TRAP1: variants seen among roughly 807,000 people sequenced by gnomAD.
The protein encoded by TRAP1 is heat shock protein 75 kDa, mitochondrial.
Under a neutral mutation model 89.1 loss-of-function variants are expected in TRAP1, and 102 were observed. The observed-to-expected ratio is 1.15, with a 90% CI of 0.98 to 1.35. TRAP1 has a LOEUF of 1.35. Among genes scored for constraint, TRAP1 ranks in the 40% most tolerant of loss-of-function variants. TRAP1 has a pLI of 0.00. For synonymous variants in TRAP1, 508 were observed against 388.0 expected (o/e 1.31, Z -3.64); for missense variants, 1,256 against 945.3 (o/e 1.33, Z -4.31).
Position 3,666,134 on chromosome 16 carries a change from G to C in TRAP1, c.1236-16C>G, listed in dbSNP as rs184574555. ...CCGGAGTTTCCTACAGAAAAGAAAT[G>C]CATTTAATACATACAAGCAGCCTCT... On this transcript the variant is annotated splice_polypyrimidine_tract_variant and intron_variant, in intron 11 of 17. Transcript: ENST00000246957. The C allele has an allele frequency of 6.2e-7, 1 of 1,607,950 alleles. No homozygotes were observed. Among genetic ancestry groups the C allele is most frequent in the Non-Finnish European group, 8.5e-7 (1 of 1,177,814 alleles).
intron 3 of TRAP1, among the ~76,000 whole-genome samples, chr16:3,688,414 G>A (rs1262722563): frequency 6.6e-6 from 1 of 152,150 alleles, no homozygotes; most frequent in African/African-American, 2.4e-5. Context: ...GTCCCACCAG[G>A]CAAAGGGGCC....
chr16:3,690,503 G>A (rs999755239), intron 2 of TRAP1, among the ~76,000 whole-genome samples: 8 of 152,114 alleles, frequency 5.3e-5, no homozygotes, highest in East Asian at 1.9e-4. Context: ...TCCAGAATTC[G>A]GTCCTGCGCA....
Position 3,677,622 on chromosome 16 carries a change from T to G in TRAP1, c.580A>C (p.Ser194Arg). ...LDALQNQAEA[S>R]SKIIGQFGVG... ...CCAAACTGGCCGATGATCTTGCTGC[T>G]GGCCTCAGCCTGGTTCTGCAGAGCA... The change falls in exon 6 of 18, where the codon AGC becomes CGC. Residue 194 changes from serine (S) to arginine (R), a missense_variant. Physicochemically the swap from Ser to Arg is moderately radical, Grantham distance 110 (BLOSUM62 -1). Coordinates refer to ENST00000246957, the MANE Select transcript of TRAP1 (RefSeq NM_016292.3). 1 of 1,614,152 alleles carries G rather than the reference T, an allele frequency of 6.2e-7. No homozygotes were observed. The highest frequency in any genetic ancestry group is 8.5e-7 in the Non-Finnish European group (1 of 1,180,028).
Position 3,717,422 on chromosome 16 carries a change from T to A in TRAP1, c.87A>T (p.Gly29=). 1 of 1,217,488 alleles carries A rather than the reference T, an allele frequency of 8.2e-7. No individual in the cohort carries two copies. Among genetic ancestry groups the A allele is most frequent in the Non-Finnish European group, 1.0e-6 (1 of 970,098 alleles). 75.4% of individuals were successfully genotyped at this position (1,217,488 alleles called of 1,614,324 possible). ...CCCGTCCAGCCAGGACGCCCTCACC[T>A]CCCGGCACGGCCGCCAGCGCCGGCG... ...LRAPALAAVP[G]GKPILCPRRT... Residue 29 remains glycine, a splice_region_variant and synonymous_variant, in exon 1 of 18, where the codon GGA becomes GGT. Coordinates refer to ENST00000246957, the MANE Select transcript of TRAP1 (RefSeq NM_016292.3).
chr16:3,711,114 G>T (rs554079518), intron 1 of TRAP1, among the ~76,000 whole-genome samples: 95 of 151,562 alleles, frequency 6.3e-4, no homozygotes, highest in African/African-American at 2.3e-3. Context: ...TAAACTCACA[G>T]GATCCTCCCG....
chr16:3,677,437 C>T, intron 6 of TRAP1, 61 bp downstream of exon 6: 1 of 1,606,484 alleles, frequency 6.2e-7, no homozygotes, highest in Non-Finnish European at 8.5e-7. Context: ...CCTTTCCAAA[C>T]TCCATGCTAA....
intron 1 of TRAP1, among the ~76,000 whole-genome samples, chr16:3,716,104 C>T (rs2051595078): frequency 6.6e-6 from 1 of 152,186 alleles, no homozygotes; most frequent in Admixed American, 6.5e-5. Flanking sequence ...CTGCCCACCT[C>T]AGGCTCCCAA....
intron 4 of TRAP1, among the ~76,000 whole-genome samples, chr16:3,683,011 A>G (rs1365562666): frequency 2.7e-5 from 4 of 149,526 alleles, no homozygotes; most frequent in South Asian, 4.3e-4. Context: ...TCTATTAAAA[A>G]TACAAAATTA....
intron 13 of TRAP1, 35 bp downstream of exon 13, chr16:3,664,239 G>A: frequency 6.6e-7 from 1 of 1,508,426 alleles, no homozygotes; most frequent in Non-Finnish European, 8.9e-7. Context: ...CCAGGTTGCA[G>A]CCCCCGGAGC....
In TRAP1 at chr16:3,674,390, A is replaced by G. The variant is rs1300120625; in HGVS notation, c.993T>C (p.Tyr331=). 19 of 1,614,082 alleles carry G rather than the reference A, an allele frequency of 1.2e-5. No homozygotes were observed. Among genetic ancestry groups the G allele is most frequent in the Non-Finnish European group, 1.6e-5 (19 of 1,180,018 alleles). Residue 331 remains tyrosine, a synonymous_variant, in exon 9 of 18, where the codon TAT becomes TAC. Coordinates refer to ENST00000246957, the MANE Select transcript of TRAP1 (RefSeq NM_016292.3). ...GGATGTTGAGCGGTGCGTCCGTCTT[A>G]TAGTGCAGGGTGTAGCGGGGCTTGT... The part of the protein sequence containing the change: ...AHDKPRYTLH[Y]KTDAPLNIRS...
At chr16:3,695,540 AAAAAAAAAAAAG>A (rs1192451313) in intron 1 of TRAP1, among the ~76,000 whole-genome samples, 2 of 151,434 alleles carry the variant, frequency 1.3e-5, no homozygotes, top group Non-Finnish European at 2.9e-5. Context: ...TGTCTCGAAA[AAAAAAAAAAAAG>A]AAAAGAAAAA....
At chr16:3,675,933 G>T in intron 7 of TRAP1, 103 bp downstream of exon 7, 1 of 1,026,226 alleles carries the variant, frequency 9.7e-7, no homozygotes, top group Non-Finnish European at 1.4e-6. Context: ...CTCTGCCTGT[G>T]CACCCTACGT....
intron 11 of TRAP1, among the ~76,000 whole-genome samples, chr16:3,669,544 T>A (rs976195156): frequency 3.9e-5 from 6 of 152,086 alleles, no homozygotes; most frequent in Middle Eastern, 3.4e-3. Flanking sequence ...AGGTAAAGAT[T>A]TCAGAACAGG....
At chr16:3,686,191 T>C (rs898917213) in intron 3 of TRAP1, 55 bp from the exon 4 acceptor site, 2 of 1,587,162 alleles carry the variant, frequency 1.3e-6, no homozygotes, top group African/African-American at 1.3e-5. Context: ...TCCTGCAGGA[T>C]CTATCTGGTC....
At chr16:3,713,315 G>A (rs1256535685) in intron 1 of TRAP1, among the ~76,000 whole-genome samples, 1 of 152,202 alleles carries the variant, frequency 6.6e-6, no homozygotes, top group Non-Finnish European at 1.5e-5. Flanking sequence ...CTGAAGGGGA[G>A]GGCGCAGCAG....
At chr16:3,703,741 C>T (rs950944046) in intron 1 of TRAP1, among the ~76,000 whole-genome samples, 1 of 151,968 alleles carries the variant, frequency 6.6e-6, no homozygotes, top group Non-Finnish European at 1.5e-5. Context: ...TTAGGCTGGG[C>T]GCGGTGGCTT....
chr16:3,702,959 T>C lies in TRAP1; in HGVS notation c.89-11974A>G, dbSNP rs112449716. On this transcript the variant is annotated intron_variant, in intron 1 of 17. Transcript: ENST00000246957. ...TGGGAGGCCGAGGTAGGAGAATCGC[T>C]TGAACCCAGGAGGTGGAGGTTGTGG... 2.0e-5 allele frequency among the ~76,000 whole-genome samples: 3 copies of C among 148,730 alleles called. No homozygotes were observed. The East Asian group carries it at 5.9e-4, about 29-fold the overall frequency.
In TRAP1 at chr16:3,717,427, G is replaced by T; in HGVS notation, c.82C>A (p.Pro28Thr). ...LLRAPALAAVPGGKPILCPRR... is the reference protein window; with the variant it reads ...LLRAPALAAVTGGKPILCPRR... Reference sequence around the variant, plus strand: ...CCAGCCAGGACGCCCTCACCTCCCGGCACGGCCGCCAGCGCCGGCGCCCGC... The same window carrying T: ...CCAGCCAGGACGCCCTCACCTCCCGTCACGGCCGCCAGCGCCGGCGCCCGC... Residue 28 changes from proline to threonine, a missense_variant, in exon 1 of 18, where the codon CCG becomes ACG. Physicochemically the swap from Pro to Thr is conservative, Grantham distance 38 (BLOSUM62 -1). Transcript: ENST00000246957. The T allele has an allele frequency of 1.6e-6, 2 of 1,235,426 alleles. No homozygotes were observed. The highest frequency in any genetic ancestry group is 2.0e-6 in the Non-Finnish European group (2 of 984,674). The allele number at this position is 1,235,426 out of a possible 1,614,324, so 76.5% of individuals were successfully genotyped here.
chr16:3,672,455 G>T (rs1270406203), intron 10 of TRAP1, among the ~76,000 whole-genome samples: 1 of 152,146 alleles, frequency 6.6e-6, no homozygotes, highest in East Asian at 1.9e-4. Context: ...CTGAAACTCA[G>T]TATCCCTACA....
Sources: gnomAD v4.1 joint callset for allele counts (sites outside exome capture counted in the v4.1 genomes callset) on GRCh38, gnomAD v4.1.1 for gene constraint, MANE v1.5 for transcripts, NCBI Gene and HGNC (gene_info 2026-07-23, HGNC 2026-07-21) for gene names.